DPP10: variants seen among roughly 807,000 people sequenced by gnomAD.
DPP10 encodes the protein dipeptidyl peptidase like 10.
Under a neutral mutation model 120.9 loss-of-function variants are expected in DPP10, and 33 were observed. The observed-to-expected ratio is 0.27, with a 90% confidence interval of 0.21 to 0.37. DPP10 has a LOEUF of 0.37. Among genes scored for constraint, DPP10 ranks in the 10% least tolerant of loss-of-function variants. DPP10 has a pLI of 1.00. For synonymous variants in DPP10, 337 were observed against 326.1 expected (o/e 1.03, Z -0.36); for missense variants, 816 against 942.8 (o/e 0.87, Z 1.76).
chr2:114,744,220 T>C lies in DPP10; in HGVS notation c.60+301382T>C, dbSNP rs114871938. On this transcript the variant is annotated intron_variant, in intron 1 of 25. Coordinates refer to ENST00000410059, the MANE Select transcript of DPP10 (RefSeq NM_020868.6). Reference sequence around the variant, plus strand: ...ATGCCCTGCTGAGGATTCTGAACCTTATTTCTATGGGCAACAAGGAGTCAT... The same window carrying C: ...ATGCCCTGCTGAGGATTCTGAACCTCATTTCTATGGGCAACAAGGAGTCAT... Among the ~76,000 whole-genome samples the C allele has an allele frequency of 3.1e-3, 469 of 152,302 alleles. 1 individual carries two copies. Among genetic ancestry groups the C allele is most frequent in the Non-Finnish European group, 5.5e-3 (377 of 68,018 alleles).
intron 1 of DPP10, among the ~76,000 whole-genome samples, chr2:115,222,153 AT>A (rs1386407597): frequency 6.6e-6 from 1 of 152,104 alleles, no homozygotes; most frequent in African/African-American, 2.4e-5. Flanking sequence ...AAGAACTCTA[AT>A]ATCTTTAGAG....
rs190609095 is a variant in DPP10, at chr2:115,730,657, C to T, written c.697+2721C>T. ...AATTTTAAGGAGAGAAATTAGAGAC[C>T]GTTTCCTGACAAATACGGTAATTTT... is the stretch of plus-strand genomic sequence containing the variant. On this transcript the variant is annotated intron_variant, in intron 8 of 25. Transcript: ENST00000410059. Among the ~76,000 whole-genome samples the T allele has an allele frequency of 1.6e-3, 250 of 152,092 alleles. 1 individual carries two copies. Among genetic ancestry groups the T allele is most frequent in the Middle Eastern group, 6.8e-3 (2 of 292 alleles).
At chr2:115,200,046 C>T (rs2055582231) in intron 1 of DPP10, among the ~76,000 whole-genome samples, 1 of 152,168 alleles carries the variant, frequency 6.6e-6, no homozygotes, top group South Asian at 2.1e-4. Context: ...GACACCAGCT[C>T]TGGGTTCCAT....
intron 1 of DPP10, among the ~76,000 whole-genome samples, chr2:114,943,143 T>G (rs1178667465): frequency 6.6e-6 from 1 of 152,160 alleles, no homozygotes; most frequent in Non-Finnish European, 1.5e-5. Context: ...GGTGAGAACA[T>G]GCGGTGTTTG....
At chr2:115,104,733 C>T (rs116256059) in intron 1 of DPP10, among the ~76,000 whole-genome samples, 1,578 of 152,228 alleles carry the variant, frequency 0.01, 15 homozygotes, top group Middle Eastern at 0.034. Context: ...TTTGGCCAGG[C>T]GCGGTGGCTC....
intron 1 of DPP10, among the ~76,000 whole-genome samples, chr2:114,651,541 A>G (rs72953590): frequency 0.013 from 2,004 of 152,244 alleles, 43 homozygotes; most frequent in African/African-American, 0.046. Context: ...AGCTCCAGTG[A>G]TATTTAGGCT....
At chr2:114,750,561 C>T (rs1259254346) in intron 1 of DPP10, among the ~76,000 whole-genome samples, 1 of 152,054 alleles carries the variant, frequency 6.6e-6, no homozygotes, top group Non-Finnish European at 1.5e-5. Flanking sequence ...TCTCGATCTC[C>T]TAACCTCGTG....
intron 2 of DPP10, among the ~76,000 whole-genome samples, chr2:115,317,043 A>G (rs2061828847): frequency 6.6e-6 from 1 of 152,190 alleles, no homozygotes; most frequent in African/African-American, 2.4e-5. Flanking sequence ...GTAGTGAGCC[A>G]TGATCATGCC....
At chr2:115,248,810 T>G (rs538271428) in intron 1 of DPP10, among the ~76,000 whole-genome samples, 1 of 152,270 alleles carries the variant, frequency 6.6e-6, no homozygotes, top group Non-Finnish European at 1.5e-5. Flanking sequence ...CCAATCATGC[T>G]TGTGTTAATG....
chr2:115,468,660 A>G (rs2074485297), intron 3 of DPP10: 2 of 359,144 alleles, frequency 5.6e-6, no homozygotes, highest in South Asian at 4.5e-5. Flanking sequence ...CTACTTCTAC[A>G]GAGATCCTGA....
chr2:114,998,098 C>A (rs1701212981), intron 1 of DPP10, among the ~76,000 whole-genome samples: 1 of 152,162 alleles, frequency 6.6e-6, no homozygotes, highest in African/African-American at 2.4e-5. Flanking sequence ...GATAAGCAAT[C>A]ATCTTCTTAC....
intron 1 of DPP10, among the ~76,000 whole-genome samples, chr2:114,474,224 G>A (rs972145818): frequency 1.6e-4 from 24 of 152,220 alleles, no homozygotes; most frequent in Non-Finnish European, 2.9e-4. Flanking sequence ...CCAAAGTGCT[G>A]GGACTGTAGG....
chr2:114,906,774 T>G (rs1007772409), intron 1 of DPP10, among the ~76,000 whole-genome samples: 2 of 152,150 alleles, frequency 1.3e-5, no homozygotes, highest in African/African-American at 4.8e-5. Context: ...TTTTGTTAGG[T>G]TCTCTATTTG....
intron 1 of DPP10, among the ~76,000 whole-genome samples, chr2:114,768,935 A>T (rs1558722225): frequency 6.6e-6 from 1 of 152,170 alleles, no homozygotes; most frequent in Non-Finnish European, 1.5e-5. Flanking sequence ...CACATTTCAG[A>T]TCCTGAATGG....
At chr2:115,267,294 A>G (rs2059501421) in intron 1 of DPP10, among the ~76,000 whole-genome samples, 1 of 152,182 alleles carries the variant, frequency 6.6e-6, no homozygotes. Flanking sequence ...TTAGCTTACT[A>G]ATTTCGAACA....
At chr2:114,977,910 T>G (rs959547417) in intron 1 of DPP10, among the ~76,000 whole-genome samples, 10 of 152,092 alleles carry the variant, frequency 6.6e-5, no homozygotes, top group African/African-American at 2.4e-4. Context: ...GTGAATCTTA[T>G]CAAATTTTTT....
chr2:114,975,240 T>C (rs931603763), intron 1 of DPP10, among the ~76,000 whole-genome samples: 26 of 152,220 alleles, frequency 1.7e-4, no homozygotes, highest in African/African-American at 6.3e-4. Context: ...GAGATGGGGT[T>C]TCATCATGTT....
rs146555577 is a variant in DPP10 at position 114,771,173 on chromosome 2, T to C, written c.60+328335T>C. 5.0e-3 allele frequency among the ~76,000 whole-genome samples: 764 copies of C among 152,330 alleles called. 6 individuals are homozygous for C. Among genetic ancestry groups the C allele is most frequent in the Middle Eastern group, 0.01 (3 of 294 alleles). On this transcript the variant is annotated intron_variant, in intron 1 of 25. Transcript: ENST00000410059. ...CTTGAACTTTTGCCAGATATTTGGC[T>C]GTATGCATTTTATGTGTTAACTGAG... is the stretch of plus-strand genomic sequence containing the variant.
chr2:115,459,241 C>T (rs1197950955), intron 3 of DPP10, among the ~76,000 whole-genome samples: 1 of 151,910 alleles, frequency 6.6e-6, no homozygotes, highest in Non-Finnish European at 1.5e-5. Flanking sequence ...ACTGCAACCA[C>T]CACCTCCCTT....
Sources: allele counts gnomAD v4.1 joint callset (sites outside exome capture counted in the v4.1 genomes callset), GRCh38; gene constraint gnomAD v4.1.1; transcripts MANE v1.5; gene names NCBI Gene and HGNC (gene_info 2026-07-23, HGNC 2026-07-21).